LOC400499: variants seen among roughly 807,000 people sequenced by gnomAD.
chr16:11,484,307 G>A, the LOC400499 span, among the ~76,000 whole-genome samples: 352 of 152,056 alleles, frequency 2.3e-3, 1 homozygote, highest in African/African-American at 7.9e-3. Flanking sequence ...ACGCCCGGCC[G>A]CAGGAAGAGA....
the LOC400499 span, among the ~76,000 whole-genome samples, chr16:11,450,161 C>T: frequency 6.6e-6 from 1 of 152,364 alleles, no homozygotes; most frequent in East Asian, 1.9e-4. Flanking sequence ...ACCAGGCTCC[C>T]TCAGCCCTGC....
At chr16:11,390,012 G>T in the LOC400499 span, 1 of 814,814 alleles carries the variant, frequency 1.2e-6, no homozygotes, top group Non-Finnish European at 1.6e-6. Context: ...GGTGGTCACA[G>T]GAGTCAGTGT....
chr16:11,472,111 C>T, the LOC400499 span: 2 of 304,490 alleles, frequency 6.6e-6, no homozygotes, highest in Non-Finnish European at 1.2e-5. Flanking sequence ...CCCCTACCAA[C>T]AACCAAATAT....
chr16:11,388,171 A>G, the LOC400499 span, among the ~76,000 whole-genome samples: 2 of 151,642 alleles, frequency 1.3e-5, no homozygotes, highest in Non-Finnish European at 2.9e-5. Flanking sequence ...AGCAGCCTCA[A>G]CTCCCTCTCT....
chr16:11,505,823 T>C, the LOC400499 span, among the ~76,000 whole-genome samples: 3 of 152,160 alleles, frequency 2.0e-5, no homozygotes, highest in South Asian at 6.2e-4. Flanking sequence ...ATTCATCTAA[T>C]CAAATCAGGA....
At chr16:11,445,400 G>A in the LOC400499 span, among the ~76,000 whole-genome samples, 10 of 151,522 alleles carry the variant, frequency 6.6e-5, no homozygotes, top group African/African-American at 1.9e-4. Context: ...CGGCTTGAGC[G>A]ACAGAGTGAG....
chr16:11,494,679 C>G, the LOC400499 span: 1 of 399,566 alleles, frequency 2.5e-6, no homozygotes, highest in African/African-American at 2.1e-5. Context: ...CAGGGCCCGT[C>G]CAGAGAAGCA....
the LOC400499 span, chr16:11,491,667 C>T: frequency 2.6e-6 from 1 of 388,486 alleles, no homozygotes; most frequent in Non-Finnish European, 4.6e-6. Flanking sequence ...CCACCCCTGC[C>T]CACACCCCTC....
the LOC400499 span, chr16:11,441,054 G>A: frequency 1.0e-5 from 4 of 398,908 alleles, no homozygotes; most frequent in Non-Finnish European, 1.3e-5. Flanking sequence ...TTTCAAAGTG[G>A]CCTCGACCTC....
At chr16:11,457,754 T>C in the LOC400499 span, among the ~76,000 whole-genome samples, 1 of 152,024 alleles carries the variant, frequency 6.6e-6, no homozygotes, top group African/African-American at 2.4e-5. Flanking sequence ...AGCCAAAAAA[T>C]GGAAGCAACC....
At chr16:11,503,473 G>A in the LOC400499 span, among the ~76,000 whole-genome samples, 1 of 152,170 alleles carries the variant, frequency 6.6e-6, no homozygotes, top group African/African-American at 2.4e-5. Context: ...GCCAAGCCAG[G>A]TCCCAGCTTC....
chr16:11,515,678 T>A, the LOC400499 span, among the ~76,000 whole-genome samples: 1 of 120,492 alleles, frequency 8.3e-6, no homozygotes, highest in Non-Finnish European at 1.7e-5. Context: ...AGAGAAGGAA[T>A]TGGAGGAGAG....
At chr16:11,391,480 A>G in the LOC400499 span, among the ~76,000 whole-genome samples, 60,797 of 151,956 alleles carry the variant, frequency 0.4, 12,591 homozygotes, top group African/African-American at 0.44. Context: ...CAGAAAAAAC[A>G]AAGGCTGTAG....
At chr16:11,455,937 C>T in the LOC400499 span, among the ~76,000 whole-genome samples, 1 of 151,844 alleles carries the variant, frequency 6.6e-6, no homozygotes, top group Non-Finnish European at 1.5e-5. Context: ...CCCCATGGGA[C>T]CCAGCTTCGA....
At chr16:11,507,869 G>A in the LOC400499 span, among the ~76,000 whole-genome samples, 2 of 152,130 alleles carry the variant, frequency 1.3e-5, no homozygotes, top group East Asian at 3.9e-4. Flanking sequence ...GGGAGGTCAA[G>A]GCTGCAGTGA....
the LOC400499 span, chr16:11,485,190 C>A: frequency 2.5e-6 from 1 of 397,664 alleles, no homozygotes; most frequent in Non-Finnish European, 4.4e-6. Context: ...GCACTCCAGG[C>A]TCCCTGGTGC....
chr16:11,492,590 C>T, the LOC400499 span, among the ~76,000 whole-genome samples: 1 of 151,944 alleles, frequency 6.6e-6, no homozygotes, highest in Non-Finnish European at 1.5e-5. Context: ...CGAGACCATC[C>T]TGGCTAACAC....
chr16:11,439,457 C>A, the LOC400499 span: 1 of 398,968 alleles, frequency 2.5e-6, no homozygotes, highest in South Asian at 1.3e-4. Context: ...GCAGGCGAGT[C>A]AAGGTCATCT....
the LOC400499 span, chr16:11,471,551 C>G: frequency 5.0e-3 from 2,001 of 398,736 alleles, 9 homozygotes; most frequent in Non-Finnish European, 5.3e-3. Context: ...CACAGCCCAA[C>G]AGCCCCAGAG....
Sources: gnomAD v4.1 joint callset for allele counts (sites outside exome capture counted in the v4.1 genomes callset) on GRCh38, gnomAD v4.1.1 for gene constraint, MANE v1.5 for transcripts.